The following FANCB variants were observed in gnomAD, a reference collection of about 807,000 sequenced individuals.
The protein encoded by FANCB is FA complementation group B, also known as Fanconi anemia group B protein.
Under a neutral mutation model 38.9 loss-of-function variants are expected in FANCB, and 5 were observed. The ratio of observed to expected loss-of-function variants is 0.13; its 90% CI spans 0.07 to 0.27. FANCB has a LOEUF of 0.27. Among genes scored for constraint, FANCB ranks in the 10% least tolerant of loss-of-function variants. FANCB has a pLI of 1.00. For missense variants in FANCB, 573 were observed against 602.7 expected, an observed-to-expected ratio of 0.95 and a Z score of 0.52; for synonymous variants, 236 against 215.4, an observed-to-expected ratio of 1.10 and a Z score of -0.84.
At chrX:14,693,393 T>C in the FANCB span, among the ~76,000 whole-genome samples, 1 of 111,601 alleles carries the variant, frequency 9.0e-6, no homozygotes, top group South Asian at 3.7e-4. Flanking sequence ...TATTTCATAA[T>C]CAAAATGATC....
the FANCB span, among the ~76,000 whole-genome samples, chrX:14,795,364 T>C: frequency 8.9e-6 from 1 of 112,181 alleles, no homozygotes; most frequent in Non-Finnish European, 1.9e-5. Flanking sequence ...TCATTGACAA[T>C]ACACTGCCCT....
the FANCB span, among the ~76,000 whole-genome samples, chrX:14,795,138 C>T: frequency 8.9e-6 from 1 of 111,984 alleles, no homozygotes; most frequent in African/African-American, 3.2e-5. Flanking sequence ...TGGTAGCTGA[C>T]CACCAGTCAG....
the FANCB span, among the ~76,000 whole-genome samples, chrX:14,752,399 A>T: frequency 3.2e-3 from 361 of 112,391 alleles, 1 homozygote; most frequent in African/African-American, 0.011. Flanking sequence ...GCTTCCTTTT[A>T]TAAGTGATTG....
the FANCB span, among the ~76,000 whole-genome samples, chrX:14,781,469 TA>T: frequency 9.0e-6 from 1 of 110,824 alleles, no homozygotes; most frequent in Non-Finnish European, 1.9e-5. Flanking sequence ...ATATTTCTTT[TA>T]AAAAAAATAA....
rs779269252 is a variant in FANCB, at chrX:14,865,537, T to C, written c.-27A>G. The C allele has an allele frequency of 1.6e-5, 17 of 1,092,051 alleles. No homozygotes were observed. The highest frequency in any genetic ancestry group is 1.9e-5 in the Non-Finnish European group (15 of 795,730). The allele number at this position is 1,092,051 out of a possible 1,213,427, so 90.0% of individuals were successfully genotyped here. ...CCACAATATCAAGTCTTTGTGCTGA[T>C]CTAATTTTCAAATGCAAATTGATTC... On this transcript the variant is annotated 5_prime_UTR_variant, in exon 3 of 10. Transcript: ENST00000650831.
chrX:14,730,501 C>G, the FANCB span: 1 of 1,153,236 alleles, frequency 8.7e-7, no homozygotes, highest in East Asian at 3.1e-5. Context: ...CCCTACAGAC[C>G]CTGGGACCTT....
At chrX:14,858,919 G>A (rs1435685783) in intron 4 of FANCB, among the ~76,000 whole-genome samples, 2 of 111,307 alleles carry the variant, frequency 1.8e-5, no homozygotes, top group East Asian at 5.6e-4. Flanking sequence ...CAAAAATAAA[G>A]TTAATTTATA....
At chrX:14,841,824 T>C (rs1422391921), downstream of FANCB, among the ~76,000 whole-genome samples, 1 of 111,885 alleles carries the variant, frequency 8.9e-6, no homozygotes, top group Non-Finnish European at 1.9e-5. Context: ...TTAAAAAAAA[T>C]ACTGGAGTAC....
chrX:14,764,883 G>A, the FANCB span, among the ~76,000 whole-genome samples: 1 of 112,066 alleles, frequency 8.9e-6, no homozygotes, highest in Admixed American at 9.5e-5. Context: ...TAGCTACCAT[G>A]CCATGAGGAC....
chrX:14,779,133 A>G, the FANCB span, among the ~76,000 whole-genome samples: 1 of 112,173 alleles, frequency 8.9e-6, no homozygotes, highest in Non-Finnish European at 1.9e-5. Flanking sequence ...CTGCATGATC[A>G]GGTTGAAATA....
At chrX:14,854,752 T>G (rs1399231466) in intron 5 of FANCB, among the ~76,000 whole-genome samples, 1 of 111,557 alleles carries the variant, frequency 9.0e-6, no homozygotes, top group African/African-American at 3.3e-5. Context: ...CCGACACCCA[T>G]GTAATTCCAC....
chrX:14,798,512 A>T, the FANCB span, among the ~76,000 whole-genome samples: 1 of 112,433 alleles, frequency 8.9e-6, no homozygotes, highest in African/African-American at 3.2e-5. Flanking sequence ...TTTTACAGAG[A>T]GGTATGATAC....
At chrX:14,767,682 A>C in the FANCB span, among the ~76,000 whole-genome samples, 15,396 of 111,097 alleles carry the variant, frequency 0.14, 1,760 homozygotes, top group African/African-American at 0.37. Context: ...GAAGCTCTTT[A>C]GTTTAATTAG....
the FANCB span, among the ~76,000 whole-genome samples, chrX:14,821,057 T>G: frequency 8.9e-6 from 1 of 111,826 alleles, no homozygotes; most frequent in Non-Finnish European, 1.9e-5. Flanking sequence ...AGATATATAT[T>G]CTGAATGCCT....
chrX:14,720,846 G>A, the FANCB span, among the ~76,000 whole-genome samples: 1 of 110,845 alleles, frequency 9.0e-6, no homozygotes, highest in South Asian at 3.8e-4. Context: ...ACTGTTGGGG[G>A]CAGGGCTGGG....
chrX:14,731,887 A>C, the FANCB span: 1 of 110,642 alleles, frequency 9.0e-6, no homozygotes. Flanking sequence ...TTTATTTGAA[A>C]ATTTTTCTTA....
chrX:14,802,115 T>C, the FANCB span, among the ~76,000 whole-genome samples: 1 of 111,407 alleles, frequency 9.0e-6, no homozygotes, highest in African/African-American at 3.3e-5. Context: ...TTCGAGGCAA[T>C]GTTTTAAGTG....
chrX:14,855,609 T>C (rs1025740726), intron 5 of FANCB, among the ~76,000 whole-genome samples: 1 of 112,551 alleles, frequency 8.9e-6, no homozygotes, highest in Non-Finnish European at 1.9e-5. Context: ...TATTGAGTTT[T>C]TTATTTCAGT....
chrX:14,759,169 A>G, the FANCB span, among the ~76,000 whole-genome samples: 4 of 111,995 alleles, frequency 3.6e-5, no homozygotes, highest in African/African-American at 1.3e-4. Context: ...CAACAAAGAC[A>G]AAGAAAAAAG....
Sources: gnomAD v4.1 joint callset for allele counts (sites outside exome capture counted in the v4.1 genomes callset) on GRCh38, gnomAD v4.1.1 for gene constraint, MANE v1.5 for transcripts, NCBI Gene and HGNC (gene_info 2026-07-23, HGNC 2026-07-21) for gene names.